The following PAPSS1 variants were observed in gnomAD, a reference collection of about 807,000 sequenced individuals.
PAPSS1 encodes the protein 3'-phosphoadenosine 5'-phosphosulfate synthase 1, also known as bifunctional 3'-phosphoadenosine 5'-phosphosulfate synthase 1.
In PAPSS1, 50 loss-of-function variants were observed where a neutral mutation model predicts 72.0. The observed-to-expected ratio is 0.69, with a 90% CI of 0.55 to 0.88. PAPSS1 has a LOEUF of 0.88. PAPSS1 is among the 40% of genes least tolerant of loss of function. PAPSS1 has a pLI of 0.00. For missense variants in PAPSS1, 657 were observed against 782.2 expected, an observed-to-expected ratio of 0.84 and a Z score of 1.91; for synonymous variants, 261 against 263.6, an observed-to-expected ratio of 0.99 and a Z score of 0.09.
At position 107,720,180 on chromosome 4, in the gene PAPSS1, G is replaced by A. The variant is rs1161807147; in HGVS notation, c.-1C>T. ...TGCACAGGCTCCCGGGGATCTCCAT[G>A]ACCGCGGAGCGCGCTGAGCAGCCGG... On this transcript the variant is annotated 5_prime_UTR_variant, in exon 1 of 12. Transcript: ENST00000265174. 6.2e-7 allele frequency: 1 copy of A among 1,602,074 alleles called. No homozygotes were observed. The highest frequency in any genetic ancestry group is 2.3e-5 in the East Asian group (1 of 43,380).
intron 10 of PAPSS1, among the ~76,000 whole-genome samples, chr4:107,636,817 T>C (rs935699342): frequency 2.0e-5 from 3 of 152,298 alleles, no homozygotes; most frequent in East Asian, 3.9e-4. Flanking sequence ...CATGGGCTAC[T>C]AAAAATAAAT....
In PAPSS1 at chr4:107,614,485, GAA is replaced by G. The variant is rs5860872; in HGVS notation, c.1737-100_1737-99del. ...TCTGTTCATATTAGACAAACTTAAT[GAA>G]AAAAAAATACTGAACATAGTACTTG... On this transcript the variant is annotated intron_variant, in intron 11 of 11. Coordinates refer to ENST00000265174, the MANE Select transcript of PAPSS1 (RefSeq NM_005443.5). The G allele has an allele frequency of 8.7e-6, 7 of 808,840 alleles. No individual in the cohort carries two copies. The Admixed American group carries it at 9.0e-5, about 10-fold the overall frequency. 50.1% of individuals were successfully genotyped at this position (808,840 alleles called of 1,614,324 possible).
At chr4:107,695,588 T>G (rs1423144687) in intron 2 of PAPSS1, among the ~76,000 whole-genome samples, 1 of 152,200 alleles carries the variant, frequency 6.6e-6, no homozygotes, top group Non-Finnish European at 1.5e-5. Flanking sequence ...AGGGAATGCT[T>G]CCGGCTTTTG....
chr4:107,646,828 C>CT (rs1726708694), intron 9 of PAPSS1, among the ~76,000 whole-genome samples: 2 of 152,200 alleles, frequency 1.3e-5, no homozygotes, highest in Non-Finnish European at 2.9e-5. Flanking sequence ...CCAACTGCCT[C>CT]TAAGTGCTCC....
At chr4:107,665,863 C>T (rs929758090) in intron 5 of PAPSS1, among the ~76,000 whole-genome samples, 2 of 152,082 alleles carry the variant, frequency 1.3e-5, no homozygotes, top group African/African-American at 2.4e-5. Flanking sequence ...AAACAACATG[C>T]GCTACATGAA....
rs750500748 is a variant in PAPSS1, at chr4:107,682,005, C to T, written c.669+10G>A. The stretch of plus-strand genomic sequence containing the variant: ...TTTCTCTGATGATTCCTTCTTTCAT[C>T]CTCTCTTACCCGTTCCTGTAGAAGT... On this transcript the variant is annotated intron_variant, in intron 5 of 11. Transcript: ENST00000265174. The T allele has an allele frequency of 5.3e-6, 7 of 1,318,020 alleles. No individual in the cohort carries two copies. In the South Asian group the frequency reaches 9.0e-5, roughly 17 times the overall value. The allele number at this position is 1,318,020 out of a possible 1,614,324, so 81.6% of individuals were successfully genotyped here.
At chr4:107,689,830 A>T (rs906915580) in intron 3 of PAPSS1, among the ~76,000 whole-genome samples, 3 of 152,084 alleles carry the variant, frequency 2.0e-5, no homozygotes, top group African/African-American at 7.2e-5. Context: ...TTCAAACATA[A>T]CCCACCAAAA....
chr4:107,620,637 G>T (rs1157623882), intron 11 of PAPSS1, among the ~76,000 whole-genome samples: 2 of 152,130 alleles, frequency 1.3e-5, no homozygotes, highest in Non-Finnish European at 2.9e-5. Flanking sequence ...TCTCAACAGA[G>T]ATGATTTTTG....
intron 1 of PAPSS1, among the ~76,000 whole-genome samples, chr4:107,718,641 C>A (rs1421588907): frequency 1.3e-5 from 2 of 152,212 alleles, no homozygotes; most frequent in Non-Finnish European, 2.9e-5. Context: ...AGCAGTAAGT[C>A]CCACATTTTT....
chr4:107,707,759 A>T (rs897281532), intron 1 of PAPSS1, among the ~76,000 whole-genome samples: 15 of 152,196 alleles, frequency 9.9e-5, no homozygotes, highest in Admixed American at 4.6e-4. Context: ...TTATTAAAGT[A>T]TTTTTGTGCA....
chr4:107,628,180 C>T (rs1213560618), intron 11 of PAPSS1, among the ~76,000 whole-genome samples: 3 of 152,176 alleles, frequency 2.0e-5, no homozygotes, highest in African/African-American at 7.2e-5. Context: ...AGCTACAGTT[C>T]ATCGCTCAGA....
intron 6 of PAPSS1, among the ~76,000 whole-genome samples, chr4:107,658,413 T>C (rs183949115): frequency 6.6e-6 from 1 of 151,876 alleles, no homozygotes; most frequent in East Asian, 1.9e-4. Context: ...GAAAAGTCTC[T>C]TACCCATGAC....
intron 5 of PAPSS1, among the ~76,000 whole-genome samples, chr4:107,676,724 C>G: frequency 6.6e-6 from 1 of 152,158 alleles, no homozygotes; most frequent in Non-Finnish European, 1.5e-5. Context: ...CCCACATTGC[C>G]AAGTCAATCC....
chr4:107,653,527 T>C lies in PAPSS1; in HGVS notation c.1201A>G (p.Thr401Ala), dbSNP rs755061669. The C allele has an allele frequency of 4.3e-6, 7 of 1,611,922 alleles. No individual in the cohort carries two copies. Among genetic ancestry groups the C allele is most frequent in the African/African-American group, 2.7e-5 (2 of 74,866 alleles). The change falls in exon 9 of 12, where the codon ACT becomes GCT. Residue 401 changes from threonine (T) to alanine (A), a missense_variant. Transcript: ENST00000265174. The part of the protein sequence containing the change: ...DGLDQYRLTP[T>A]ELKQKFKDMN... ...TCTTTAAATTTCTGCTTTAGCTCAG[T>C]AGGAGTAAGACGATACTGATCAAGA...
At chr4:107,676,308 C>T (rs1190468387) in intron 5 of PAPSS1, among the ~76,000 whole-genome samples, 7 of 152,196 alleles carry the variant, frequency 4.6e-5, no homozygotes, top group Non-Finnish European at 1.0e-4. Flanking sequence ...CCAAAATCTC[C>T]TTAAGCTGAC....
intron 5 of PAPSS1, among the ~76,000 whole-genome samples, chr4:107,674,108 G>A (rs932352935): frequency 2.0e-5 from 3 of 152,072 alleles, no homozygotes; most frequent in Non-Finnish European, 4.4e-5. Context: ...AAATTGTAAA[G>A]ACCGAAACCG....
chr4:107,677,937 C>CA (rs565457908), intron 5 of PAPSS1, among the ~76,000 whole-genome samples: 1,753 of 152,162 alleles, frequency 0.012, 39 homozygotes, highest in African/African-American at 0.038. Context: ...ATCGCAACGA[C>CA]AAAAAACCAA....
intron 1 of PAPSS1, among the ~76,000 whole-genome samples, chr4:107,714,031 T>A (rs532705110): frequency 6.6e-6 from 1 of 152,242 alleles, no homozygotes; most frequent in African/African-American, 2.4e-5. Flanking sequence ...GGCAGGCTCC[T>A]TCTGAACCCT....
chr4:107,646,788 A>T (rs930028874), intron 9 of PAPSS1, among the ~76,000 whole-genome samples: 3 of 152,070 alleles, frequency 2.0e-5, no homozygotes, highest in Admixed American at 2.0e-4. Context: ...TTCTGACCAG[A>T]ACTCTACCCA....
Sources: gnomAD v4.1 joint callset for allele counts (sites outside exome capture counted in the v4.1 genomes callset) on GRCh38, gnomAD v4.1.1 for gene constraint, MANE v1.5 for transcripts, NCBI Gene and HGNC (gene_info 2026-07-23, HGNC 2026-07-21) for gene names.